The following GDF1 variants were observed in gnomAD, a reference collection of about 807,000 sequenced individuals.
GDF1 encodes the protein growth differentiation factor 1.
In GDF1, 8 loss-of-function variants were observed where a neutral mutation model predicts 7.4. The observed-to-expected ratio is 1.09, with a 90% CI of 0.64 to 1.96. The LOEUF (loss-of-function observed/expected upper bound fraction) is 1.96. GDF1 is among the 30% of genes most tolerant of loss of function. The probability of loss-of-function intolerance (pLI) is 0.00; values close to 1 mark genes in which losing one functional copy is unlikely to be tolerated. For missense variants in GDF1, 574 were observed against 551.5 expected, an observed-to-expected ratio of 1.04 and a Z score of -0.41; for synonymous variants, 311 against 276.7, an observed-to-expected ratio of 1.12 and a Z score of -1.23.
intron 1 of GDF1, among the ~76,000 whole-genome samples, chr19:18,894,927 A>G (rs2056589211): frequency 2.0e-5 from 3 of 152,202 alleles, no homozygotes; most frequent in Admixed American, 1.3e-4. Context: ...GGGGGTGTCC[A>G]GGCCAAGCTA....
intron 2 of GDF1, among the ~76,000 whole-genome samples, chr19:18,886,279 G>C (rs2056357644): frequency 6.6e-6 from 1 of 152,182 alleles, no homozygotes; most frequent in Non-Finnish European, 1.5e-5. Flanking sequence ...GCCGGGCGCA[G>C]TGGCTCACGC....
chr19:18,884,349 C>T (rs1339750003), intron 2 of GDF1, 82 bp from the exon 3 acceptor site: 1 of 1,305,916 alleles, frequency 7.7e-7, no homozygotes, highest in African/African-American at 1.5e-5. Context: ...ACCCTCCAAG[C>T]CACACGTGTC....
In GDF1 at chr19:18,876,968, G is replaced by A. The variant is rs767722167; in HGVS notation, c.-313+1962C>T. Among the ~76,000 whole-genome samples, 4 of 152,152 alleles carry A rather than the reference G, an allele frequency of 2.6e-5. No homozygotes were observed. The East Asian group carries it at 7.7e-4, about 29-fold the overall frequency. ...CTCCTCTGACCCTGGATTGTTCCTCGGTCTTTCCCTGATTCCCATGATCTT... is the reference window on the plus strand; with the variant it reads ...CTCCTCTGACCCTGGATTGTTCCTCAGTCTTTCCCTGATTCCCATGATCTT... On this transcript the variant is annotated intron_variant, in intron 6 of 7. Coordinates refer to ENST00000247005, the MANE Select transcript of GDF1 (RefSeq NM_001492.6).
chr19:18,868,882 C>G lies in GDF1; in HGVS notation c.834G>C (p.Glu278Asp), dbSNP rs767303516. 4.2e-6 allele frequency: 6 copies of G among 1,431,508 alleles called. No homozygotes were observed. Among genetic ancestry groups the G allele is most frequent in the South Asian group, 3.7e-5 (3 of 80,514 alleles). 88.7% of individuals were successfully genotyped at this position (1,431,508 alleles called of 1,614,324 possible). A position where few individuals can be genotyped will look rare whatever the true frequency, so the allele number is the denominator to read the frequency against. ...CGATGACCCAGCGGTGCCAGCCCAC[C>G]TCGCGGAAGCTCACGTACAGCCGCC... is the stretch of plus-strand genomic sequence containing the variant. ...RARRLYVSFR[E>D]VGWHRWVIAP... Residue 278 changes from glutamate to aspartate, a missense_variant, in exon 8 of 8, where the codon GAG becomes GAC. Glu to Asp is a conservative substitution (Grantham distance 45, BLOSUM62 2). Coordinates refer to ENST00000247005, the MANE Select transcript of GDF1 (RefSeq NM_001492.6).
rs1220888315 is a variant in GDF1, at chr19:18,878,370, A to G, written c.-313+560T>C. On this transcript the variant is annotated intron_variant, in intron 6 of 7. Coordinates refer to ENST00000247005, the MANE Select transcript of GDF1 (RefSeq NM_001492.6). This position sits in a 1 kb window ranked among gnomAD's most constrained non-coding sequence, Gnocchi z 4.6. ...CCAGGGCTGGTGAGGCTCGTGGGCT[A>G]TCTCCTTCCCCAGGACTCCCACCTG... The G allele has an allele frequency of 9.1e-6, 9 of 985,768 alleles. No individual in the cohort carries two copies. The African/African-American group carries it at 1.6e-4, about 17-fold the overall frequency. 61.1% of individuals were successfully genotyped at this position (985,768 alleles called of 1,614,324 possible). A position where few individuals can be genotyped will look rare whatever the true frequency, so the allele number is the denominator to read the frequency against.
chr19:18,885,612 G>A (rs1022292400), intron 2 of GDF1, among the ~76,000 whole-genome samples: 2 of 147,552 alleles, frequency 1.4e-5, no homozygotes, highest in African/African-American at 2.5e-5. Flanking sequence ...CTCCATATCC[G>A]GGGTTCAAGT....
chr19:18,877,501 A>T (rs2056079584), intron 6 of GDF1, among the ~76,000 whole-genome samples: 1 of 152,166 alleles, frequency 6.6e-6, no homozygotes, highest in African/African-American at 2.4e-5. Context: ...CTGTAATCCC[A>T]GCAGCTTTGG....
rs912700056 is a variant in GDF1, at chr19:18,878,813, G to A, written c.-313+117C>T. 1 of 1,493,568 alleles carries A rather than the reference G, an allele frequency of 6.7e-7. No homozygotes were observed. Among genetic ancestry groups the A allele is most frequent in the Non-Finnish European group, 8.9e-7 (1 of 1,122,142 alleles). The allele number at this position is 1,493,568 out of a possible 1,614,324, so 92.5% of individuals were successfully genotyped here. A position where few individuals can be genotyped will look rare whatever the true frequency, so the allele number is the denominator to read the frequency against. On this transcript the variant is annotated intron_variant, in intron 6 of 7. Transcript: ENST00000247005. This position sits in a 1 kb window ranked among gnomAD's most constrained non-coding sequence, Gnocchi z 4.6. ...AGTCTCTGTTTTGGAGTAGGCTTGG[G>A]GGGCAGCATCCGCGTCGGCCTCATC...
chr19:18,870,264 A>G lies in GDF1; in HGVS notation c.44T>C (p.Leu15Pro), dbSNP rs767175863. 3 of 1,549,616 alleles carry G rather than the reference A, an allele frequency of 1.9e-6. No individual in the cohort carries two copies. The highest frequency in any genetic ancestry group is 2.6e-6 in the Non-Finnish European group (3 of 1,149,946). The change falls in exon 7 of 8, where the codon CTC (leucine) becomes CCC (proline). Residue 15 changes from leucine (L) to proline (P), a missense_variant. Leu to Pro is a moderately conservative substitution (Grantham distance 98). Coordinates refer to ENST00000247005, the MANE Select transcript of GDF1 (RefSeq NM_001492.6). The surrounding 1 kb of genome is among the most constrained non-coding windows in gnomAD (Gnocchi z 5.1). Reference sequence around the variant, plus strand: ...CGAGGGCAGCAGCAGGGCCAGGAGGAGGAGGAGGTGGTGGCCGCAGGGACC... The same window carrying G: ...CGAGGGCAGCAGCAGGGCCAGGAGGGGGAGGAGGTGGTGGCCGCAGGGACC... ...QQGPCGHHLL[L>P]LLALLLPSLP... is the part of the protein sequence containing the mutation.
At chr19:18,892,409 T>G (rs1182669762) in intron 2 of GDF1, among the ~76,000 whole-genome samples, 9 of 151,660 alleles carry the variant, frequency 5.9e-5, no homozygotes, top group Non-Finnish European at 1.2e-4. Flanking sequence ...GATCAGGAGA[T>G]TGAGACCATC....
chr19:18,869,448 T>C, intron 7 of GDF1, 58 bp from the exon 8 acceptor site: 1 of 1,506,746 alleles, frequency 6.6e-7, no homozygotes, highest in Non-Finnish European at 8.8e-7. Flanking sequence ...GCCCATGGGG[T>C]CTCGGTTAGG....
rs183991779 is a variant in GDF1, at chr19:18,895,389, C to T, written c.-1074+435G>A. On this transcript the variant is annotated intron_variant, in intron 1 of 7. Coordinates refer to ENST00000247005, the MANE Select transcript of GDF1 (RefSeq NM_001492.6). The surrounding 1 kb of genome is among the most constrained non-coding windows in gnomAD (Gnocchi z 6.4). ...GCGGTGCGCCGAGCCCTCCCGTTCC[C>T]GGTCCTGGGCTTCTCAGTGTCTGGC... Among the ~76,000 whole-genome samples, 28 of 152,160 alleles carry T rather than the reference C, an allele frequency of 1.8e-4. No individual in the cohort carries two copies. The highest frequency in any genetic ancestry group is 3.7e-4 in the Non-Finnish European group (25 of 68,020).
chr19:18,892,724 C>T (rs550627185), intron 2 of GDF1, among the ~76,000 whole-genome samples: 10 of 152,194 alleles, frequency 6.6e-5, no homozygotes, highest in South Asian at 4.2e-4. Context: ...GGCCTTTGCA[C>T]GTGCTGTTAC....
chr19:18,869,685 G>A (rs909012453), intron 7 of GDF1, among the ~76,000 whole-genome samples: 15 of 150,798 alleles, frequency 9.9e-5, no homozygotes, highest in Non-Finnish European at 1.8e-4. Flanking sequence ...GCCATGCTAG[G>A]GTGTGGGGAT....
chr19:18,895,891 A>G lies in GDF1; in HGVS notation c.-1141T>C, dbSNP rs2146084156. On this transcript the variant is annotated 5_prime_UTR_variant, in exon 1 of 8. Coordinates refer to ENST00000247005, the MANE Select transcript of GDF1 (RefSeq NM_001492.6). This position sits in a 1 kb window ranked among gnomAD's most constrained non-coding sequence, Gnocchi z 6.4. ...GCCCAGCGCGCCGAGCGCCAGCAGC[A>G]GCAGCTCGGGCGGCGCCAGGTGCGC... 7.9e-7 allele frequency: 1 copy of G among 1,271,124 alleles called. No homozygotes were observed. The allele number at this position is 1,271,124 out of a possible 1,614,324, so 78.7% of individuals were successfully genotyped here.
At chr19:18,874,827 A>AGAT (rs1314326215) in intron 6 of GDF1, among the ~76,000 whole-genome samples, 1 of 152,180 alleles carries the variant, frequency 6.6e-6, no homozygotes, top group Non-Finnish European at 1.5e-5. Flanking sequence ...CAATGGGGTG[A>AGAT]GATGGGGTGA....
At chr19:18,891,870 C>T (rs545186426) in intron 2 of GDF1, among the ~76,000 whole-genome samples, 6 of 149,606 alleles carry the variant, frequency 4.0e-5, no homozygotes, top group East Asian at 2.0e-4. Flanking sequence ...TGAGCCACCA[C>T]GCCCAGCCCA....
chr19:18,880,780 C>G (rs1384803272), intron 3 of GDF1, among the ~76,000 whole-genome samples: 1 of 151,992 alleles, frequency 6.6e-6, no homozygotes, highest in Non-Finnish European at 1.5e-5. Flanking sequence ...CCACTGCAGC[C>G]TCAAACTCCT....
At chr19:18,884,867 C>T (rs1478407699) in intron 2 of GDF1, among the ~76,000 whole-genome samples, 1 of 151,954 alleles carries the variant, frequency 6.6e-6, no homozygotes, top group African/African-American at 2.4e-5. Flanking sequence ...GCGCTGGACA[C>T]CATGCCCGGC....
Sources: allele counts gnomAD v4.1 joint callset (sites outside exome capture counted in the v4.1 genomes callset), GRCh38; gene constraint gnomAD v4.1.1; non-coding constraint Gnocchi (gnomAD v3.1); transcripts MANE v1.5; gene names NCBI Gene and HGNC (gene_info 2026-07-23, HGNC 2026-07-21).